The following AGFG2 variants were observed in gnomAD, a reference collection of about 807,000 sequenced individuals.
AGFG2 encodes the protein arf-GAP domain and FG repeat-containing protein 2.
AGFG2 carries 31 observed loss-of-function variants against 48.0 expected under a neutral mutation model. The ratio of observed to expected loss-of-function variants is 0.65; its 90% CI spans 0.49 to 0.87. AGFG2 has a LOEUF of 0.87. AGFG2 is among the 40% of genes least tolerant of loss of function. The pLI is 0.00. For synonymous variants in AGFG2, 229 were observed against 260.8 expected (o/e 0.88, Z 1.18); for missense variants, 599 against 632.6 (o/e 0.95, Z 0.57).
In AGFG2 at chr7:100,562,177, A is replaced by C; in HGVS notation, c.878-82A>C. 6.5e-7 allele frequency: 1 copy of C among 1,539,444 alleles called. No individual in the cohort carries two copies. Among genetic ancestry groups the C allele is most frequent in the African/African-American group, 1.4e-5 (1 of 72,902 alleles). On this transcript the variant is annotated intron_variant, in intron 6 of 11. Coordinates refer to ENST00000300176, the MANE Select transcript of AGFG2 (RefSeq NM_006076.5). The surrounding 1 kb of genome is among the most constrained non-coding windows in gnomAD (Gnocchi z 5.4). ...CATGCCATGACTCCAATCCATCACC[A>C]CCACCACCTCCATCTGCTCTCCTGC...
chr7:100,563,042 T>TCTGCTTCTCCTGA, intron 9 of AGFG2, 96 bp downstream of exon 9: 2 of 1,264,198 alleles, frequency 1.6e-6, no homozygotes, highest in Non-Finnish European at 2.2e-6. Flanking sequence ...TCTCACGCTG[T>TCTGCTTCTCCTGA]CAGGAGAAGC....
chr7:100,552,267 T>G (rs1800663203), intron 3 of AGFG2, among the ~76,000 whole-genome samples: 1 of 151,922 alleles, frequency 6.6e-6, no homozygotes, highest in Admixed American at 6.6e-5. Context: ...ATAATACAAA[T>G]AAAAAGCAAT....
At chr7:100,551,060 ATATATATTTCTTT>A (rs1318254860) in intron 3 of AGFG2, among the ~76,000 whole-genome samples, 2 of 76,874 alleles carry the variant, frequency 2.6e-5, no homozygotes, top group African/African-American at 1.1e-4. Context: ...ATATATATAT[ATATATATTTCTTT>A]TTTTTTTTTT....
chr7:100,543,699 G>A (rs894586600), intron 1 of AGFG2, among the ~76,000 whole-genome samples: 1 of 152,166 alleles, frequency 6.6e-6, no homozygotes, highest in Non-Finnish European at 1.5e-5. Flanking sequence ...CTGCATGTAT[G>A]AACTCATTCT....
intron 1 of AGFG2, among the ~76,000 whole-genome samples, chr7:100,542,829 T>C (rs1367362776): frequency 6.6e-6 from 1 of 152,192 alleles, no homozygotes; most frequent in African/African-American, 2.4e-5. Context: ...CCTGCATGTT[T>C]ATTCATTCGG....
Position 100,553,467 on chromosome 7 carries a change from G to A in AGFG2, c.552G>A (p.Pro184=), listed in dbSNP as rs745555509. Residue 184 remains proline (P), a synonymous_variant, in exon 4 of 12, where the codon CCG becomes CCA. Transcript: ENST00000300176. ...GGACACTTCTGGGTGATCCTGCACC[G>A]TCTCTCTCAGTTGCTGCCTCCACCT... The part of the protein sequence containing the change: ...PLRTLLGDPA[P]SLSVAASTSS... 2.6e-5 allele frequency: 42 copies of A among 1,605,264 alleles called. No individual in the cohort carries two copies. In the Admixed American group the frequency reaches 5.2e-4, roughly 20 times the overall value.
intron 1 of AGFG2, 39 bp downstream of exon 1, chr7:100,539,606 G>T: frequency 8.1e-7 from 1 of 1,239,444 alleles, no homozygotes; most frequent in Non-Finnish European, 1.0e-6. Flanking sequence ...TCGGCGTGGG[G>T]GGACCCGGGG....
At chr7:100,561,514 T>C (rs1018867217) in intron 6 of AGFG2, among the ~76,000 whole-genome samples, 1 of 152,168 alleles carries the variant, frequency 6.6e-6, no homozygotes. Flanking sequence ...GACGAGACTT[T>C]GATGTGCAGA....
At chr7:100,547,041 A>G (rs988694867) in intron 1 of AGFG2, among the ~76,000 whole-genome samples, 3 of 152,208 alleles carry the variant, frequency 2.0e-5, no homozygotes, top group Admixed American at 6.5e-5. Flanking sequence ...GAATTGCTGC[A>G]AACAGCGTCA....
rs765595747 is a variant in AGFG2, at chr7:100,550,432, C to T, written c.352C>T (p.Arg118Trp). Residue 118 changes from arginine to tryptophan, a missense_variant, in exon 3 of 12, where the codon CGG becomes TGG. Physicochemically the swap from Arg to Trp is moderately radical, Grantham distance 101 (BLOSUM62 -3). Transcript: ENST00000300176. ...RKIWLGLFDA[R>W]TSLVPDSRDP... ...GATTTGGTTGGGTCTGTTTGATGCT[C>T]GGACATCTTTAGTACCAGATTCCAG... is the stretch of plus-strand genomic sequence containing the variant. 1.8e-5 allele frequency: 29 copies of T among 1,613,596 alleles called. No homozygotes were observed. Among genetic ancestry groups the T allele is most frequent in the Non-Finnish European group, 2.1e-5 (25 of 1,179,920 alleles).
intron 6 of AGFG2, among the ~76,000 whole-genome samples, chr7:100,560,075 A>C (rs932185126): frequency 6.6e-6 from 1 of 152,166 alleles, no homozygotes; most frequent in Admixed American, 6.5e-5. Context: ...ATCCGAGGAA[A>C]GGGAGCCGTG....
At chr7:100,550,305 CAAAAAAAAAAA>C (rs61255061) in intron 2 of AGFG2, 80 bp from the exon 3 acceptor site, 6 of 297,552 alleles carry the variant, frequency 2.0e-5, no homozygotes, top group Admixed American at 6.2e-5. Context: ...GACTCCGTCT[CAAAAAAAAAAA>C]AAAAAAAAAA....
Position 100,562,843 on chromosome 7 carries a change from T to C in AGFG2, c.1088-20T>C, listed in dbSNP as rs746997464. On this transcript the variant is annotated intron_variant, in intron 8 of 11. Coordinates refer to ENST00000300176, the MANE Select transcript of AGFG2 (RefSeq NM_006076.5). This position sits in a 1 kb window ranked among gnomAD's most constrained non-coding sequence, Gnocchi z 5.4. ...TAACCATCTCTCTCTTTCCTGCCGC[T>C]CCCCATTCCACCTGGGCAGCCTTCA... 9.9e-6 allele frequency: 16 copies of C among 1,613,160 alleles called. No individual in the cohort carries two copies. In the South Asian group the frequency reaches 1.8e-4, roughly 18 times the overall value.
intron 2 of AGFG2, among the ~76,000 whole-genome samples, chr7:100,549,938 CA>C (rs773231685): frequency 1.3e-4 from 20 of 152,176 alleles, no homozygotes; most frequent in Non-Finnish European, 1.9e-4. Flanking sequence ...GTGATCCACC[CA>C]CCTCGGCCTT....
chr7:100,562,811 A>G lies in AGFG2; in HGVS notation c.1088-52A>G. On this transcript the variant is annotated intron_variant, in intron 8 of 11. Coordinates refer to ENST00000300176, the MANE Select transcript of AGFG2 (RefSeq NM_006076.5). This position sits in a 1 kb window ranked among gnomAD's most constrained non-coding sequence, Gnocchi z 5.4. ...GCATCACAGGATGAAGCACGTGAGAAAAAAAGTAACCATCTCTCTCTTTCC... is the reference window on the plus strand; with the variant it reads ...GCATCACAGGATGAAGCACGTGAGAGAAAAAGTAACCATCTCTCTCTTTCC... The G allele has an allele frequency of 6.2e-7, 1 of 1,607,536 alleles. No individual in the cohort carries two copies. Among genetic ancestry groups the G allele is most frequent in the Non-Finnish European group, 8.5e-7 (1 of 1,174,404 alleles).
Position 100,563,777 on chromosome 7 carries a change from A to T in AGFG2, c.1172-57A>T, listed in dbSNP as rs751379558. ...CATCTTGGAGGGACTTAGGAAAAAC[A>T]GTTCTCCAGCCCACCTTCCAGAAGT... On this transcript the variant is annotated intron_variant, in intron 9 of 11. Transcript: ENST00000300176. 109 of 1,600,156 alleles carry T rather than the reference A, an allele frequency of 6.8e-5. 2 individuals carry two copies. Among genetic ancestry groups the T allele is most frequent in the South Asian group, 3.9e-4 (35 of 90,782 alleles).
At chr7:100,555,503 C>A (rs1337892506) in intron 5 of AGFG2, 107 bp from the exon 6 acceptor site, 1 of 1,251,686 alleles carries the variant, frequency 8.0e-7, no homozygotes, top group Non-Finnish European at 1.1e-6. Flanking sequence ...GAACTTCTGA[C>A]CTCAAGTGAT....
chr7:100,563,927 T>TC lies in AGFG2; in HGVS notation c.1271dup (p.Gln425AlafsTer138), dbSNP rs745530680. ...GCCAGCTCCTTCCCAGCACCGCTGTTCCCCCCGCAGACCCCGCTTGTTCAG... is the reference window on the plus strand; with the variant it reads ...GCCAGCTCCTTCCCAGCACCGCTGTTCCCCCCCGCAGACCCCGCTTGTTCAG... On this transcript the variant is annotated frameshift_variant, in exon 10 of 12. Coordinates refer to ENST00000300176, the MANE Select transcript of AGFG2 (RefSeq NM_006076.5). LOFTEE classifies it high-confidence loss of function. The TC allele has an allele frequency of 6.8e-6, 11 of 1,608,728 alleles. No homozygotes were observed. Among genetic ancestry groups the TC allele is most frequent in the Non-Finnish European group, 9.3e-6 (11 of 1,179,942 alleles).
At chr7:100,548,150 C>G (rs961456950) in intron 1 of AGFG2, among the ~76,000 whole-genome samples, 1 of 152,136 alleles carries the variant, frequency 6.6e-6, no homozygotes, top group Non-Finnish European at 1.5e-5. Flanking sequence ...AAGTACCCCC[C>G]TCGGCCTACA....
Sources: allele counts gnomAD v4.1 joint callset (sites outside exome capture counted in the v4.1 genomes callset), GRCh38; gene constraint gnomAD v4.1.1; non-coding constraint Gnocchi (gnomAD v3.1); transcripts MANE v1.5; gene names NCBI Gene and HGNC (gene_info 2026-07-23, HGNC 2026-07-21).